The following LIPA variants were observed in gnomAD, a reference collection of about 807,000 sequenced individuals.
The protein encoded by LIPA is lysosomal acid lipase/cholesteryl ester hydrolase.
In LIPA, 26 loss-of-function variants were observed where a neutral mutation model predicts 40.6. The observed-to-expected ratio is 0.64, with a 90% CI of 0.47 to 0.89. The LOEUF is 0.89. LIPA is among the 40% of genes least tolerant of loss of function. LIPA has a pLI of 0.00. For missense variants in LIPA, 455 were observed against 479.6 expected (o/e 0.95, Z 0.48); for synonymous variants, 188 against 168.4 (o/e 1.12, Z -0.90).
chr10:89,388,566 G>C (rs1039334597), intron 2 of LIPA, among the ~76,000 whole-genome samples: 1 of 152,030 alleles, frequency 6.6e-6, no homozygotes, highest in African/African-American at 2.4e-5. Flanking sequence ...AAATATGTAC[G>C]TAAGATTTTT....
At chr10:89,218,698 C>T (rs1842659094) in intron 8 of LIPA, among the ~76,000 whole-genome samples, 1 of 152,184 alleles carries the variant, frequency 6.6e-6, no homozygotes, top group Admixed American at 6.5e-5. Flanking sequence ...CAGAAGAGGA[C>T]AACACCCCGA....
Position 89,214,962 on chromosome 10 carries a change from A to G in LIPA, c.1066T>C (p.Leu356=), listed in dbSNP as rs1281069681. Residue 356 remains leucine, a synonymous_variant, in exon 10 of 10, where the codon TTA becomes CTA. Coordinates refer to ENST00000336233, the MANE Select transcript of LIPA (RefSeq NM_000235.4). ...WLADVYDVNI[L]LTQITNLVFH... ...ACCAAGTTGGTGATCTGAGTCAGTA[A>G]GATATTGACGTCGTAGACATCTGCA... 8.1e-6 allele frequency: 13 copies of G among 1,613,964 alleles called. No homozygotes were observed. The South Asian group carries it at 1.4e-4, about 18-fold the overall frequency.
At chr10:89,312,306 T>C (rs1843520963) in intron 1 of LIPA, among the ~76,000 whole-genome samples, 2 of 152,028 alleles carry the variant, frequency 1.3e-5, no homozygotes, top group Non-Finnish European at 2.9e-5. Context: ...CTGGGCTTGG[T>C]GGCATGCACC....
intron 2 of LIPA, 33 bp downstream of exon 2, chr10:89,247,505 C>A (rs1843042504): frequency 2.3e-6 from 3 of 1,280,102 alleles, no homozygotes; most frequent in Non-Finnish European, 3.4e-6. Context: ...GAAATAGATG[C>A]ATTTTAAAAG....
upstream of LIPA, among the ~76,000 whole-genome samples, chr10:89,346,281 T>C (rs575454156): frequency 6.6e-6 from 1 of 152,180 alleles, no homozygotes; most frequent in South Asian, 2.1e-4. Flanking sequence ...TACATAAACA[T>C]AGAATAATCT....
At chr10:89,348,408 G>A (rs956617637) in intron 2 of LIPA, among the ~76,000 whole-genome samples, 1 of 152,164 alleles carries the variant, frequency 6.6e-6, no homozygotes, top group Non-Finnish European at 1.5e-5. Context: ...TGGAAAAAGT[G>A]TATACAAAAA....
At chr10:89,270,063 A>G (rs1589584339) in intron 1 of LIPA, among the ~76,000 whole-genome samples, 2 of 152,258 alleles carry the variant, frequency 1.3e-5, no homozygotes, top group South Asian at 4.1e-4. Flanking sequence ...GTGGATTATT[A>G]AAACTTAACC....
intron 2 of LIPA, among the ~76,000 whole-genome samples, chr10:89,410,384 C>T (rs1413140190): frequency 6.6e-6 from 1 of 152,208 alleles, no homozygotes; most frequent in Non-Finnish European, 1.5e-5. Flanking sequence ...ACCAATTGAG[C>T]ATGACTGCCA....
intron 3 of LIPA, among the ~76,000 whole-genome samples, chr10:89,242,826 T>G (rs548493639): frequency 5.3e-5 from 8 of 152,370 alleles, no homozygotes. Context: ...TTCTTTCTGT[T>G]AGTATACGAG....
At chr10:89,317,019 A>G (rs925540557) in intron 1 of LIPA, among the ~76,000 whole-genome samples, 1 of 152,208 alleles carries the variant, frequency 6.6e-6, no homozygotes, top group Non-Finnish European at 1.5e-5. Context: ...AAGGAAAACT[A>G]AAAAACAGAA....
At chr10:89,399,819 G>A (rs1262659523) in intron 2 of LIPA, among the ~76,000 whole-genome samples, 1 of 151,778 alleles carries the variant, frequency 6.6e-6, no homozygotes, top group Non-Finnish European at 1.5e-5. Flanking sequence ...TCGTAAGAGT[G>A]AGGCCTTAAT....
At chr10:89,316,491 A>T (rs1015744257) in intron 1 of LIPA, among the ~76,000 whole-genome samples, 1 of 152,186 alleles carries the variant, frequency 6.6e-6, no homozygotes, top group African/African-American at 2.4e-5. Context: ...TCTGAGATGG[A>T]ACTGCAAGGC....
intron 1 of LIPA, chr10:89,332,753 T>A: frequency 1.0e-6 from 1 of 997,436 alleles, no homozygotes; most frequent in Non-Finnish European, 1.6e-6. Context: ...AAATCTGCCT[T>A]ACCAATTCAT....
intron 1 of LIPA, among the ~76,000 whole-genome samples, chr10:89,296,370 A>T (rs1843415166): frequency 6.6e-6 from 1 of 151,680 alleles, no homozygotes; most frequent in Non-Finnish European, 1.5e-5. Flanking sequence ...AGCTGGGCCA[A>T]GTAGCCAGCT....
chr10:89,379,712 T>G (rs969126467), intron 2 of LIPA, among the ~76,000 whole-genome samples: 1 of 152,166 alleles, frequency 6.6e-6, no homozygotes. Context: ...CAAGTCTCTC[T>G]TTTTAATATA....
chr10:89,346,605 A>G (rs1843923653), upstream of LIPA, among the ~76,000 whole-genome samples: 1 of 152,126 alleles, frequency 6.6e-6, no homozygotes, highest in South Asian at 2.1e-4. Context: ...TCATTTCACA[A>G]CCCTCCTGAG....
intron 2 of LIPA, chr10:89,384,565 C>G: frequency 6.2e-7 from 1 of 1,614,144 alleles, no homozygotes; most frequent in Admixed American, 1.7e-5. Flanking sequence ...CAGGGAAAAA[C>G]TTCTCAATGC....
intron 7 of LIPA, 145 bp downstream of exon 7, chr10:89,223,539 G>T: frequency 1.4e-6 from 1 of 732,344 alleles, no homozygotes; most frequent in Non-Finnish European, 2.3e-6. Context: ...TCTAGGCATT[G>T]GCCAAAGTTC....
In LIPA at chr10:89,376,931, G is replaced by A. The variant is rs148146373; in HGVS notation, c.61+35860C>T. Among the ~76,000 whole-genome samples, 145 of 152,284 alleles carry A rather than the reference G, an allele frequency of 9.5e-4. 1 individual carries two copies. The highest frequency in any genetic ancestry group is 3.4e-3 in the African/African-American group (140 of 41,554). Reference sequence around the variant, plus strand: ...CACAGCGAGGCTACAGTTTCATTTGGTAATTATGAGAAGACTGTAATGAAG... The same window carrying A: ...CACAGCGAGGCTACAGTTTCATTTGATAATTATGAGAAGACTGTAATGAAG... On this transcript the variant is annotated intron_variant, in intron 2 of 8. Coordinates refer to the LIPA transcript ENST00000371837.
Sources: gnomAD v4.1 joint callset for allele counts (sites outside exome capture counted in the v4.1 genomes callset) on GRCh38, gnomAD v4.1.1 for gene constraint, MANE v1.5 for transcripts, NCBI Gene and HGNC (gene_info 2026-07-23, HGNC 2026-07-21) for gene names.